LRP2BP: variants seen among roughly 807,000 people sequenced by gnomAD.
The protein encoded by LRP2BP is LRP2 binding protein.
LRP2BP carries 38 observed loss-of-function variants against 45.2 expected under a neutral mutation model. The observed-to-expected ratio is 0.84, with a 90% CI of 0.65 to 1.10. LRP2BP has a LOEUF of 1.10. Ranked by LOEUF, LRP2BP falls within the 50% of genes least tolerant of loss-of-function variation. The pLI, the probability that LRP2BP is intolerant of heterozygous loss-of-function variation, is 0.00. For synonymous variants in LRP2BP, 153 were observed against 153.9 expected (o/e 0.99, Z 0.04); for missense variants, 385 against 418.9 (o/e 0.92, Z 0.71).
intron 1 of LRP2BP, chr4:185,378,921 T>C: frequency 1.0e-6 from 1 of 985,448 alleles, no homozygotes; most frequent in Non-Finnish European, 1.2e-6. Context: ...CAAAGGTTCC[T>C]GATTGGTGGT....
At chr4:185,387,224 C>T (rs1486552906) in intron 1 of LRP2BP, among the ~76,000 whole-genome samples, 1 of 152,190 alleles carries the variant, frequency 6.6e-6, no homozygotes, top group Non-Finnish European at 1.5e-5. Flanking sequence ...CAGAGCGAGA[C>T]TCAGTCTCAA....
intron 8 of LRP2BP, among the ~76,000 whole-genome samples, chr4:185,368,126 C>T (rs1292851164): frequency 6.6e-6 from 1 of 152,062 alleles, no homozygotes; most frequent in East Asian, 1.9e-4. Flanking sequence ...TGCAGAGAGC[C>T]GAGATTGCGC....
chr4:185,395,998 C>CG (rs1237496855), upstream of LRP2BP: 40 of 753,780 alleles, frequency 5.3e-5, no homozygotes, highest in East Asian at 4.9e-3. Context: ...GACGCACGCC[C>CG]GACAGCACCC....
chr4:185,397,006 A>G, upstream of LRP2BP: 1 of 1,611,604 alleles, frequency 6.2e-7, no homozygotes, highest in Non-Finnish European at 8.5e-7. Context: ...AAGCTTCTAG[A>G]TTCGTCTTCT....
intron 2 of LRP2BP, 83 bp from the exon 3 acceptor site, chr4:185,377,101 C>T (rs139649833): frequency 3.7e-5 from 36 of 983,694 alleles, no homozygotes; most frequent in Non-Finnish European, 5.1e-5. Flanking sequence ...TAAAATCCAT[C>T]TAACACTGTT....
intron 1 of LRP2BP, among the ~76,000 whole-genome samples, chr4:185,387,021 A>G (rs886251210): frequency 2.0e-5 from 3 of 152,204 alleles, no homozygotes; most frequent in African/African-American, 4.8e-5. Flanking sequence ...CAAGGTGGGC[A>G]GATCACCTGA....
intron 1 of LRP2BP, among the ~76,000 whole-genome samples, chr4:185,387,807 C>T (rs963346775): frequency 1.3e-5 from 2 of 152,210 alleles, no homozygotes; most frequent in African/African-American, 2.4e-5. Context: ...CACACCAGAG[C>T]TCGAGAAGCC....
chr4:185,378,668 G>A (rs952219166), intron 1 of LRP2BP: 2 of 986,866 alleles, frequency 2.0e-6, no homozygotes, highest in African/African-American at 3.5e-5. Flanking sequence ...TATTTTAGCT[G>A]TTGTTGAGTT....
intron 3 of LRP2BP, among the ~76,000 whole-genome samples, chr4:185,376,043 T>A (rs1482038379): frequency 3.3e-5 from 5 of 151,922 alleles, no homozygotes; most frequent in Admixed American, 2.0e-4. Flanking sequence ...TGAAAGACAG[T>A]CAGTCCCTTT....
chr4:185,365,250 A>G lies in LRP2BP; in HGVS notation c.*1930T>C, dbSNP rs942189117. The G allele has an allele frequency of 1.6e-4, 25 of 152,216 alleles. No individual in the cohort carries two copies. Among genetic ancestry groups the G allele is most frequent in the Admixed American group, 8.5e-4 (13 of 15,280 alleles). 9.4% of individuals were successfully genotyped at this position (152,216 alleles called of 1,614,324 possible). On this transcript the variant is annotated 3_prime_UTR_variant, in exon 9 of 9. Transcript: ENST00000505916. ...ATATAAGCATAGCATGTTACCATGTATGGCACACGTCAAAGTTTATGATTT... is the reference window on the plus strand; with the variant it reads ...ATATAAGCATAGCATGTTACCATGTGTGGCACACGTCAAAGTTTATGATTT...
In LRP2BP at chr4:185,376,924, T is replaced by C. The variant is rs371331899; in HGVS notation, c.201A>G (p.Gln67=). The C allele has an allele frequency of 1.8e-4, 284 of 1,612,064 alleles. No individual in the cohort carries two copies. The highest frequency in any genetic ancestry group is 2.3e-4 in the Non-Finnish European group (269 of 1,178,268). Residue 67 remains glutamine (Q), a synonymous_variant, in exon 3 of 9, where the codon CAA becomes CAG. Coordinates refer to ENST00000505916, the MANE Select transcript of LRP2BP (RefSeq NM_001377440.1). ...AAAATGATACCTCTTCAAAATATAG[T>C]TGACCTCGTAGGAAATATGCCAGAG... ...GDTLAYFLRG[Q]LYFEEGWYEE... is the part of the protein sequence containing the mutation.
intron 7 of LRP2BP, among the ~76,000 whole-genome samples, chr4:185,372,091 C>A (rs1442997115): frequency 6.6e-6 from 1 of 152,172 alleles, no homozygotes. Context: ...TAGTGTCAGT[C>A]TTTTAACCAT....
chr4:185,383,191 G>T (rs1347005519), intron 1 of LRP2BP, among the ~76,000 whole-genome samples: 1 of 152,170 alleles, frequency 6.6e-6, no homozygotes, highest in African/African-American at 2.4e-5. Flanking sequence ...CTGTATTCAG[G>T]CTGGGTGTGG....
At chr4:185,396,856 T>C (rs2095504761), upstream of LRP2BP, 12 of 1,541,166 alleles carry the variant, frequency 7.8e-6, no homozygotes, top group Non-Finnish European at 1.1e-5. Flanking sequence ...TTCTTACCTG[T>C]CGGGGTGCGG....
intron 1 of LRP2BP, among the ~76,000 whole-genome samples, 186 bp downstream of exon 1, chr4:185,394,593 T>C (rs565980374): frequency 1.4e-4 from 22 of 152,316 alleles, no homozygotes; most frequent in Admixed American, 1.3e-3. Flanking sequence ...TTGTCGGCCT[T>C]TCTCTATTTC....
At position 185,365,696 on chromosome 4, in the gene LRP2BP, T is replaced by TA. The variant is rs2095385580; in HGVS notation, c.*1483dup. 6 of 137,904 alleles carry TA rather than the reference T, an allele frequency of 4.4e-5. No homozygotes were observed. The highest frequency in any genetic ancestry group is 7.1e-5 in the Admixed American group (1 of 14,162). 8.5% of individuals were successfully genotyped at this position (137,904 alleles called of 1,614,324 possible). On this transcript the variant is annotated 3_prime_UTR_variant, in exon 9 of 9. Coordinates refer to ENST00000505916, the MANE Select transcript of LRP2BP (RefSeq NM_001377440.1). Reference sequence around the variant, plus strand: ...CTCCGTCTCAAAAAAAAAAAAATAATAATAATAATAATAATAATAATCTTT... The same window carrying TA: ...CTCCGTCTCAAAAAAAAAAAAATAATAAATAATAATAATAATAATAATCTTT...
In LRP2BP at chr4:185,378,108, AT is replaced by A. The variant is rs550850724; in HGVS notation, c.78del (p.Lys26AsnfsTer25). On this transcript the variant is annotated frameshift_variant, in exon 2 of 9. Transcript: ENST00000505916. LOFTEE classifies it high-confidence loss of function. ...SVSQYAAKNQ[K>X]FFQWKKEKTD... ...GTCTTTTCCTTTTTCCACTGGAAAAATTTTTGGTTTTTAGCAGCATACTGAG... is the reference window on the plus strand; with the variant it reads ...GTCTTTTCCTTTTTCCACTGGAAAAATTTTGGTTTTTAGCAGCATACTGAG... The A allele has an allele frequency of 4.3e-6, 7 of 1,613,600 alleles. No individual in the cohort carries two copies. The highest frequency in any genetic ancestry group is 1.1e-5 in the South Asian group (1 of 90,984).
chr4:185,375,455 CAAAAAAAAAAAAAAAAAAA>C, intron 4 of LRP2BP, among the ~76,000 whole-genome samples, 139 bp downstream of exon 4: 1 of 14,770 alleles, frequency 6.8e-5, no homozygotes, highest in South Asian at 8.3e-3. Flanking sequence ...GACTCCGTCT[CAAAAAAAAAAAAAAAAAAA>C]AAAAAAAAAA....
chr4:185,379,057 T>C, intron 1 of LRP2BP: 1 of 787,930 alleles, frequency 1.3e-6, no homozygotes, highest in Non-Finnish European at 1.5e-6. Flanking sequence ...GAACATTTAG[T>C]AGGGGAAAAA....
Sources: gnomAD v4.1 joint callset for allele counts (sites outside exome capture counted in the v4.1 genomes callset) on GRCh38, gnomAD v4.1.1 for gene constraint, MANE v1.5 for transcripts, NCBI Gene and HGNC (gene_info 2026-07-23, HGNC 2026-07-21) for gene names.